The following ECHDC2 variants were observed in gnomAD, a reference collection of about 807,000 sequenced individuals.
ECHDC2 encodes enoyl-CoA hydratase domain-containing protein 2, mitochondrial.
A neutral mutation model predicts 40.6 loss-of-function variants in ECHDC2; 34 were observed. The observed-to-expected ratio is 0.84, with a 90% CI of 0.64 to 1.11. The LOEUF (loss-of-function observed/expected upper bound fraction) is 1.11, where lower values mean the gene tolerates loss of function less well. Ranked by LOEUF, ECHDC2 falls within the 50% of genes most tolerant of loss-of-function variation. ECHDC2 has a pLI of 0.00. For missense variants in ECHDC2, 392 were observed against 400.7 expected, an observed-to-expected ratio of 0.98 and a Z score of 0.19; for synonymous variants, 162 against 166.6, an observed-to-expected ratio of 0.97 and a Z score of 0.21.
chr1:52,897,047 G>A, intron 9 of ECHDC2: 1 of 312,274 alleles, frequency 3.2e-6, no homozygotes, highest in South Asian at 6.4e-5. Flanking sequence ...AGATTTAATA[G>A]GTCAGTCCCA....
chr1:52,906,400 G>A, intron 5 of ECHDC2, 119 bp downstream of exon 5: 1 of 892,952 alleles, frequency 1.1e-6, no homozygotes, highest in East Asian at 2.7e-5. Flanking sequence ...CCTTGCCTTA[G>A]TTTTGCTTTT....
At chr1:52,905,006 A>G (rs919325853) in intron 6 of ECHDC2, 28 bp downstream of exon 6, 4 of 1,614,122 alleles carry the variant, frequency 2.5e-6, no homozygotes, top group Non-Finnish European at 2.5e-6. Flanking sequence ...ATGGGGTGGA[A>G]TTGGGCGGGT....
intron 4 of ECHDC2, 135 bp from the exon 5 acceptor site, chr1:52,906,746 A>C: frequency 3.5e-6 from 2 of 571,176 alleles, no homozygotes; most frequent in Middle Eastern, 4.7e-4. Flanking sequence ...ATGGAACCTC[A>C]GCCAGGTTAT....
At chr1:52,909,651 T>C (rs1309961209) in intron 3 of ECHDC2, among the ~76,000 whole-genome samples, 1 of 152,164 alleles carries the variant, frequency 6.6e-6, no homozygotes, top group African/African-American at 2.4e-5. Flanking sequence ...GGTTGGACAA[T>C]GGACAAGCTT....
rs982385241 is a variant in ECHDC2 at position 52,906,340 on chromosome 1, G to A, written c.457+179C>T. The A allele has an allele frequency of 4.3e-6, 3 of 694,122 alleles. No homozygotes were observed. The African/African-American group carries it at 5.3e-5, about 12-fold the overall frequency. The allele number at this position is 694,122 out of a possible 1,614,324, so 43.0% of individuals were successfully genotyped here. A position where few individuals can be genotyped will look rare whatever the true frequency, so the allele number is the denominator to read the frequency against. ...GTCACAGATACTACAGCAGCTAATG[G>A]CTGCACCAGGAGGGGAAGCAGCTTC... On this transcript the variant is annotated intron_variant, in intron 5 of 9. Transcript: ENST00000371522.
At chr1:52,920,381 G>A in intron 1 of ECHDC2, 1 of 715,566 alleles carries the variant, frequency 1.4e-6, no homozygotes, top group East Asian at 2.7e-5. Flanking sequence ...AAGCAATACT[G>A]CTGGGGAAGG....
Position 52,898,617 on chromosome 1 carries a change from T to G in ECHDC2, c.753+557A>C, listed in dbSNP as rs1042375642. 13 of 163,582 alleles carry G rather than the reference T, an allele frequency of 7.9e-5. No individual in the cohort carries two copies. The East Asian group carries it at 2.4e-3, about 30-fold the overall frequency. The allele number at this position is 163,582 out of a possible 1,614,324, so 10.1% of individuals were successfully genotyped here. On this transcript the variant is annotated intron_variant, in intron 8 of 9. Transcript: ENST00000371522. Reference sequence around the variant, plus strand: ...TCAGCGTGGTACCATTATCCTTGATTTGTGTCTGTATCTGCCCCCTCCCGG... The same window carrying G: ...TCAGCGTGGTACCATTATCCTTGATGTGTGTCTGTATCTGCCCCCTCCCGG...
intron 7 of ECHDC2, among the ~76,000 whole-genome samples, chr1:52,903,825 T>C (rs1263452): frequency 0.46 from 64,889 of 141,106 alleles, 15,562 homozygotes; most frequent in Non-Finnish European, 0.56. Flanking sequence ...TTCTTTCTTT[T>C]TTTTTTTTTT....
intron 7 of ECHDC2, chr1:52,899,902 C>G (rs1646881358): frequency 6.6e-6 from 1 of 151,950 alleles, no homozygotes; most frequent in Non-Finnish European, 1.5e-5. Flanking sequence ...CCCTAGCACT[C>G]CAGTCTCAGC....
chr1:52,906,133 T>A, intron 5 of ECHDC2: 1 of 357,852 alleles, frequency 2.8e-6, no homozygotes, highest in Non-Finnish European at 5.5e-6. Flanking sequence ...GGCACCTTTG[T>A]GATTAGCTCA....
chr1:52,911,637 G>C lies in ECHDC2; in HGVS notation c.206C>G (p.Ala69Gly), dbSNP rs1649531644. Residue 69 changes from alanine (A) to glycine (G), a missense_variant, in exon 3 of 10, where the codon GCC (alanine) becomes GGC (glycine). Transcript: ENST00000371522. ...CACTTGCCGGTCCTCCCGCAGCTGG[G>C]CCAGAGTTTCCAGCAGCTACAGAGG... ...VFVSELLETLAQLREDRQVRV... is the reference protein window; with the variant it reads ...VFVSELLETLGQLREDRQVRV... 1 of 1,614,002 alleles carries C rather than the reference G, an allele frequency of 6.2e-7. No individual in the cohort carries two copies. The highest frequency in any genetic ancestry group is 1.7e-5 in the Admixed American group (1 of 59,994).
Position 52,921,541 on chromosome 1 carries a change from C to G in ECHDC2, c.121+12G>C, listed in dbSNP as rs753104423. On this transcript the variant is annotated intron_variant, in intron 1 of 9. Transcript: ENST00000371522. ...AGTCGCGTCATGCGCCGCCCCGGAA[C>G]TGCACATTTACCTTGGTCCGGACCC... is the stretch of plus-strand genomic sequence containing the variant. 10 of 1,608,220 alleles carry G rather than the reference C, an allele frequency of 6.2e-6. No individual in the cohort carries two copies. Among genetic ancestry groups the G allele is most frequent in the Non-Finnish European group, 7.6e-6 (9 of 1,177,966 alleles).
At chr1:52,898,437 GTCTCGA>G (rs1646776782) in intron 8 of ECHDC2, 1 of 152,670 alleles carries the variant, frequency 6.6e-6, no homozygotes, top group South Asian at 2.1e-4. Context: ...AGCCAGGATG[GTCTCGA>G]TCTCCTGACC....
rs571291357 is a variant in ECHDC2, at chr1:52,905,132, G to C, written c.458-42C>G. 1.6e-5 allele frequency: 26 copies of C among 1,607,140 alleles called. No homozygotes were observed. In the African/African-American group the frequency reaches 3.3e-4, roughly 21 times the overall value. ...AAGTGAGGCCTCCCTCCCCCATCCG[G>C]TCCCCCAGTGCTAATCCCGGGGGCC... is the stretch of plus-strand genomic sequence containing the variant. On this transcript the variant is annotated intron_variant, in intron 5 of 9. Coordinates refer to ENST00000371522, the MANE Select transcript of ECHDC2 (RefSeq NM_001198961.2).
chr1:52,919,632 C>G (rs1651463036), intron 1 of ECHDC2, among the ~76,000 whole-genome samples: 1 of 152,192 alleles, frequency 6.6e-6, no homozygotes, highest in Non-Finnish European at 1.5e-5. Context: ...GGTTTACCAC[C>G]CAACCTCAAG....
chr1:52,918,215 G>A (rs1368513771), intron 1 of ECHDC2, among the ~76,000 whole-genome samples: 1 of 152,082 alleles, frequency 6.6e-6, no homozygotes, highest in African/African-American at 2.4e-5. Context: ...TGTAGAGAAG[G>A]GGTTTCACTA....
chr1:52,920,712 G>C, intron 1 of ECHDC2: 1 of 591,952 alleles, frequency 1.7e-6, no homozygotes, highest in African/African-American at 1.9e-5. Context: ...TGTTGTCTTG[G>C]AGCTGTTGTA....
intron 1 of ECHDC2, among the ~76,000 whole-genome samples, chr1:52,916,903 G>A (rs768070320): frequency 1.2e-4 from 19 of 152,142 alleles, no homozygotes; most frequent in Non-Finnish European, 2.2e-4. Context: ...GGTCACAGGC[G>A]AGGTGTTGTG....
rs1646847200 is a variant in ECHDC2, at chr1:52,899,412, A to G, written c.703-188T>C. On this transcript the variant is annotated intron_variant, in intron 7 of 9. Coordinates refer to ENST00000371522, the MANE Select transcript of ECHDC2 (RefSeq NM_001198961.2). ...GAGGTTCTTTTTCTATCATGAAAGA[A>G]GCCAGACTCTGATCCCTGAACACCT... is the stretch of plus-strand genomic sequence containing the variant. The G allele has an allele frequency of 6.6e-6, 4 of 609,430 alleles. No individual in the cohort carries two copies. In the South Asian group the frequency reaches 8.2e-5, roughly 12 times the overall value. 37.8% of individuals were successfully genotyped at this position (609,430 alleles called of 1,614,324 possible). A position where few individuals can be genotyped will look rare whatever the true frequency, so the allele number is the denominator to read the frequency against.
Sources: allele counts gnomAD v4.1 joint callset (sites outside exome capture counted in the v4.1 genomes callset), GRCh38; gene constraint gnomAD v4.1.1; transcripts MANE v1.5; gene names NCBI Gene and HGNC (gene_info 2026-07-23, HGNC 2026-07-21).